Variants in PCDH15 observed in about 807,000 individuals in gnomAD.
PCDH15 encodes the protein protocadherin related 15, also known as protocadherin-15.
A neutral mutation model predicts 178.5 loss-of-function variants in PCDH15; 129 were observed. The ratio of observed to expected loss-of-function variants is 0.72; its 90% CI spans 0.63 to 0.84. The LOEUF is 0.84. Among genes scored for constraint, PCDH15 ranks in the 40% least tolerant of loss-of-function variants. The probability of loss-of-function intolerance (pLI) is 0.00; values close to 1 mark genes in which losing one functional copy is unlikely to be tolerated. For synonymous variants in PCDH15, 800 were observed against 732.0 expected, an observed-to-expected ratio of 1.09 and a Z score of -1.50; for missense variants, 2,230 against 2,099.9, an observed-to-expected ratio of 1.06 and a Z score of -1.21.
At chr10:55,285,311 A>G (rs1161934266) in intron 1 of PCDH15, among the ~76,000 whole-genome samples, 2 of 151,274 alleles carry the variant, frequency 1.3e-5, no homozygotes, top group Admixed American at 6.6e-5. Context: ...CCATAACATT[A>G]TGAACCACAC....
intron 3 of PCDH15, among the ~76,000 whole-genome samples, chr10:54,415,047 A>T (rs932581824): frequency 2.6e-5 from 4 of 152,152 alleles, no homozygotes; most frequent in African/African-American, 9.6e-5. Context: ...TCAACCAGAA[A>T]TACCATTTCA....
At position 54,767,752 on chromosome 10, in the gene PCDH15, G is replaced by T. The variant is rs146165254; in HGVS notation, c.-29+33173C>A. ...AAGCACCAACAAATCCCAACACATG[G>T]TATGTATTCTACAATATCTGACTAG... On this transcript the variant is annotated intron_variant, in intron 1 of 37. Transcript: ENST00000644397. 4.7e-3 allele frequency among the ~76,000 whole-genome samples: 713 copies of T among 152,130 alleles called. 3 individuals carry two copies. The highest frequency in any genetic ancestry group is 9.0e-3 in the Admixed American group (137 of 15,266).
At chr10:55,159,486 CACAT>C (rs1839001643) in intron 2 of PCDH15, among the ~76,000 whole-genome samples, 1 of 149,408 alleles carries the variant, frequency 6.7e-6, no homozygotes, top group Non-Finnish European at 1.5e-5. Context: ...TGTACACACA[CACAT>C]ACACACACAC....
intron 3 of PCDH15, among the ~76,000 whole-genome samples, chr10:54,464,849 G>A (rs1157954181): frequency 6.6e-6 from 1 of 152,116 alleles, no homozygotes; most frequent in Non-Finnish European, 1.5e-5. Flanking sequence ...GCAGGAGACA[G>A]AGAAAGTGAA....
intron 2 of PCDH15, among the ~76,000 whole-genome samples, chr10:54,596,261 C>T (rs1473026039): frequency 6.6e-6 from 1 of 152,138 alleles, no homozygotes; most frequent in Non-Finnish European, 1.5e-5. Context: ...TAACAGCAGA[C>T]CTCTCAGTAC....
At chr10:55,039,325 C>T (rs977325974) in intron 2 of PCDH15, among the ~76,000 whole-genome samples, 1 of 151,738 alleles carries the variant, frequency 6.6e-6, no homozygotes, top group Non-Finnish European at 1.5e-5. Flanking sequence ...CAGATATCAG[C>T]AATGAAGAGT....
chr10:55,527,844 TA>T (rs1841336683), intron 2 of PCDH15, among the ~76,000 whole-genome samples: 1 of 152,054 alleles, frequency 6.6e-6, no homozygotes, highest in Non-Finnish European at 1.5e-5. Flanking sequence ...GATATTTCAA[TA>T]ATAGGTATTG....
At chr10:54,311,458 T>C (rs2060901981) in intron 8 of PCDH15, among the ~76,000 whole-genome samples, 4 of 151,964 alleles carry the variant, frequency 2.6e-5, no homozygotes, top group Admixed American at 2.6e-4. Flanking sequence ...ATACTCCAAA[T>C]TCTACAGACT....
chr10:53,825,219 T>C lies in PCDH15; in HGVS notation c.4367+2174A>G. ...TTTACTAGAGTTAATTTAAAACAAT[T>C]CTGAAAATATGAGCAGGAACTTGCT... is the stretch of plus-strand genomic sequence containing the variant. On this transcript the variant is annotated intron_variant, in intron 32 of 37. Coordinates refer to ENST00000644397, the MANE Select transcript of PCDH15 (RefSeq NM_001384140.1). The C allele has an allele frequency of 4.1e-6, 6 of 1,446,960 alleles. No individual in the cohort carries two copies. In the South Asian group the frequency reaches 8.7e-5, roughly 21 times the overall value. The allele number at this position is 1,446,960 out of a possible 1,614,324, so 89.6% of individuals were successfully genotyped here. A position where few individuals can be genotyped will look rare whatever the true frequency, so the allele number is the denominator to read the frequency against.
At chr10:55,470,117 G>A (rs1413888522) in intron 2 of PCDH15, among the ~76,000 whole-genome samples, 2 of 152,082 alleles carry the variant, frequency 1.3e-5, no homozygotes, top group Non-Finnish European at 2.9e-5. Flanking sequence ...TTGGGAGGCT[G>A]AGGCAAGCAG....
chr10:54,983,664 G>A (rs1307465479), intron 2 of PCDH15, among the ~76,000 whole-genome samples: 1 of 152,132 alleles, frequency 6.6e-6, no homozygotes, highest in African/African-American at 2.4e-5. Flanking sequence ...AGCAGTTCAT[G>A]TTAGTATGAT....
chr10:54,632,810 T>C (rs964971129), intron 2 of PCDH15, among the ~76,000 whole-genome samples: 2 of 151,992 alleles, frequency 1.3e-5, no homozygotes, highest in East Asian at 1.9e-4. Context: ...AGATATTCCA[T>C]AGACTCTAAA....
chr10:54,411,107 C>T (rs1424692874), intron 3 of PCDH15, among the ~76,000 whole-genome samples: 1 of 152,114 alleles, frequency 6.6e-6, no homozygotes, highest in Non-Finnish European at 1.5e-5. Context: ...AAGTAAAAAG[C>T]ACCTGCCGCT....
At chr10:55,206,460 T>A (rs774195544) in intron 1 of PCDH15, among the ~76,000 whole-genome samples, 2 of 152,088 alleles carry the variant, frequency 1.3e-5, no homozygotes, top group Non-Finnish European at 2.9e-5. Flanking sequence ...ACCAGAAAAG[T>A]CTGGGTTAGT....
intron 2 of PCDH15, among the ~76,000 whole-genome samples, chr10:55,493,504 T>C (rs891717948): frequency 3.3e-5 from 5 of 150,772 alleles, no homozygotes; most frequent in Admixed American, 3.3e-4. Flanking sequence ...ATCATACCAC[T>C]GAACTCCAGC....
chr10:54,444,220 T>A (rs1256305112), intron 3 of PCDH15, among the ~76,000 whole-genome samples: 1 of 151,658 alleles, frequency 6.6e-6, no homozygotes, highest in Non-Finnish European at 1.5e-5. Flanking sequence ...ATAGAGAGTA[T>A]AAACAAAGAG....
intron 1 of PCDH15, among the ~76,000 whole-genome samples, chr10:55,308,454 C>A (rs934781413): frequency 6.6e-6 from 1 of 152,110 alleles, no homozygotes; most frequent in Non-Finnish European, 1.5e-5. Flanking sequence ...AGATGGTCCA[C>A]GAAGAGCATG....
At chr10:54,027,023 T>C (rs200170664) in intron 18 of PCDH15, among the ~76,000 whole-genome samples, 4,032 of 146,622 alleles carry the variant, frequency 0.027, 91 homozygotes, top group East Asian at 0.11. Flanking sequence ...GACGACATGA[T>C]TGTATATCTA....
At chr10:55,176,927 G>T (rs1591967407) in intron 1 of PCDH15, among the ~76,000 whole-genome samples, 1 of 152,220 alleles carries the variant, frequency 6.6e-6, no homozygotes, top group South Asian at 2.1e-4. Context: ...ATTGTCAAGG[G>T]ATCTCTCTTT....
Sources: gnomAD v4.1 joint callset for allele counts (sites outside exome capture counted in the v4.1 genomes callset) on GRCh38, gnomAD v4.1.1 for gene constraint, MANE v1.5 for transcripts, NCBI Gene and HGNC (gene_info 2026-07-23, HGNC 2026-07-21) for gene names.